AFAP1L2: variants seen among roughly 807,000 people sequenced by gnomAD.
AFAP1L2 encodes the protein actin filament associated protein 1 like 2, also known as actin filament-associated protein 1-like 2.
In AFAP1L2, 46 loss-of-function variants were observed where a neutral mutation model predicts 99.3. The ratio of observed to expected loss-of-function variants is 0.46; its 90% CI spans 0.37 to 0.59. The LOEUF (loss-of-function observed/expected upper bound fraction) is 0.59. Ranked by LOEUF, AFAP1L2 falls within the 20% of genes least tolerant of loss-of-function variation. The probability of loss-of-function intolerance (pLI) is 0.00; values close to 1 mark genes in which losing one functional copy is unlikely to be tolerated. For synonymous variants in AFAP1L2, 397 were observed against 419.1 expected (o/e 0.95, Z 0.64); for missense variants, 959 against 1,034.9 (o/e 0.93, Z 1.01).
Position 114,295,016 on chromosome 10 carries a change from TAAAAAAA to T in AFAP1L2, c.*1019_*1025del, listed in dbSNP as rs10627231. 32 of 884,458 alleles carry T rather than the reference TAAAAAAA, an allele frequency of 3.6e-5. No homozygotes were observed. The highest frequency in any genetic ancestry group is 2.2e-4 in the Admixed American group (3 of 13,630). 54.8% of individuals were successfully genotyped at this position (884,458 alleles called of 1,614,324 possible). On this transcript the variant is annotated 3_prime_UTR_variant, in exon 19 of 19. Coordinates refer to ENST00000304129, the MANE Select transcript of AFAP1L2 (RefSeq NM_001001936.3). The stretch of plus-strand genomic sequence containing the variant: ...ATAGATGAAATGTTTCAACCTGTGT[TAAAAAAA>T]AAAAAAAAAAAATGCCATCAGAGGA...
intron 1 of AFAP1L2, among the ~76,000 whole-genome samples, chr10:114,355,547 T>TAAA (rs35455768): frequency 7.0e-6 from 1 of 143,810 alleles, no homozygotes; most frequent in African/African-American, 2.5e-5. Context: ...ACTGGTAGCT[T>TAAA]AAAAAAAAAA....
chr10:114,296,992 G>A lies in AFAP1L2; in HGVS notation c.2416C>T (p.Leu806Phe), dbSNP rs371384386. 6.2e-7 allele frequency: 1 copy of A among 1,614,088 alleles called. No homozygotes were observed. Among genetic ancestry groups the A allele is most frequent in the African/African-American group, 1.3e-5 (1 of 74,946 alleles). Residue 806 changes from leucine to phenylalanine, a missense_variant, in exon 18 of 19, where the codon CTC (leucine) becomes TTC (phenylalanine). Leu to Phe is a conservative substitution (Grantham distance 22, BLOSUM62 0). Around this residue, in one of 2 missense-constraint regions of AFAP1L2, gnomAD observed 576 missense variants for 562.1 expected, o/e 1.02. Coordinates refer to ENST00000304129, the MANE Select transcript of AFAP1L2 (RefSeq NM_001001936.3). ...TGACTGCTTACCTTGGCTTTCTGGA[G>A]TACAGTGCCTTTGCCTGTGACCACG... ...SVVVTGKGTVLQKAKEWEKKG... is the reference protein window; with the variant it reads ...SVVVTGKGTVFQKAKEWEKKG...
rs534335100 is a variant in AFAP1L2, at chr10:114,315,761, G to A, written c.411C>T (p.Asp137=). The change falls in exon 6 of 19, where the codon GAC becomes GAT. Residue 137 remains aspartate (D), a synonymous_variant. Transcript: ENST00000304129. ...CGTAGGAGCTGCTCACAGCCTCTCC[G>A]TCCTCTGCAAGGAAGACCAGCTCGG... ...AEPYDTSLNE[D]GEAVSSSYES... is the part of the protein sequence containing the mutation. 384 of 1,610,826 alleles carry A rather than the reference G, an allele frequency of 2.4e-4. 2 individuals are homozygous for A. In the South Asian group the frequency reaches 3.8e-3, roughly 16 times the overall value.
At chr10:114,320,913 C>G (rs1046848923) in intron 5 of AFAP1L2, among the ~76,000 whole-genome samples, 6 of 152,298 alleles carry the variant, frequency 3.9e-5, no homozygotes, top group African/African-American at 1.4e-4. Context: ...AATCACAGCC[C>G]GACTGGTGAG....
chr10:114,380,850 C>T (rs1001435783), intron 1 of AFAP1L2, among the ~76,000 whole-genome samples: 10 of 152,164 alleles, frequency 6.6e-5, no homozygotes, highest in Non-Finnish European at 8.8e-5. Flanking sequence ...TTAAACATGA[C>T]ATATAAGATT....
intron 4 of AFAP1L2, among the ~76,000 whole-genome samples, chr10:114,329,571 G>T (rs1205306790): frequency 6.6e-6 from 1 of 152,182 alleles, no homozygotes; most frequent in Non-Finnish European, 1.5e-5. Flanking sequence ...TCCAGCCGTG[G>T]CTCAGAACAG....
In AFAP1L2 at chr10:114,327,147, T is replaced by TATATATATATATATA. The variant is rs2046408453; in HGVS notation, c.316-3887_316-3886insTATATATATATATAT. On this transcript the variant is annotated intron_variant, in intron 4 of 18. Transcript: ENST00000304129. ...TGAAGACCGTGAATTTTATATATAT[T>TATATATATATATATA]TATATATATATATATATATATATAT... is the stretch of plus-strand genomic sequence containing the variant. 7.3e-5 allele frequency among the ~76,000 whole-genome samples: 4 copies of TATATATATATATATA among 54,570 alleles called. No individual in the cohort carries two copies. In the South Asian group the frequency reaches 1.9e-3, roughly 26 times the overall value. The allele number at this position is 54,570 out of a possible 152,430, so 35.8% of individuals were successfully genotyped here. A position where few individuals can be genotyped will look rare whatever the true frequency, so the allele number is the denominator to read the frequency against.
At chr10:114,332,179 G>A (rs917703305) in intron 3 of AFAP1L2, among the ~76,000 whole-genome samples, 24 of 152,340 alleles carry the variant, frequency 1.6e-4, no homozygotes, top group South Asian at 1.0e-3. Flanking sequence ...GCTTTGGCCA[G>A]CAGAGAAGCT....
chr10:114,339,594 A>T (rs1017022222), intron 2 of AFAP1L2, among the ~76,000 whole-genome samples: 1 of 152,224 alleles, frequency 6.6e-6, no homozygotes, highest in Admixed American at 6.5e-5. Flanking sequence ...TCATATATTA[A>T]ATCCTAGCAC....
chr10:114,298,650 A>AC (rs2040626349), intron 16 of AFAP1L2, among the ~76,000 whole-genome samples: 1 of 150,628 alleles, frequency 6.6e-6, no homozygotes, highest in South Asian at 2.1e-4. Flanking sequence ...GGAGCTCTAG[A>AC]CCAGCCTGGG....
At position 114,299,024 on chromosome 10, in the gene AFAP1L2, G is replaced by A. The variant is rs1589915574; in HGVS notation, c.2113+236C>T. Among the ~76,000 whole-genome samples the A allele has an allele frequency of 2.0e-5, 3 of 152,214 alleles. No homozygotes were observed. The East Asian group carries it at 5.8e-4, about 29-fold the overall frequency. On this transcript the variant is annotated intron_variant, in intron 16 of 18. Transcript: ENST00000304129. Reference sequence around the variant, plus strand: ...ACTTCCTTTAACTAGCTTTTACGATGACCTGCTGGTCCTATTGATGTTCCG... The same window carrying A: ...ACTTCCTTTAACTAGCTTTTACGATAACCTGCTGGTCCTATTGATGTTCCG...
At chr10:114,305,119 G>A (rs2530326) in intron 10 of AFAP1L2, 189 bp from the exon 11 acceptor site, 8 of 566,096 alleles carry the variant, frequency 1.4e-5, no homozygotes, top group Admixed American at 2.6e-5. Context: ...GGACCGGGCT[G>A]CAGGAGGGGA....
At chr10:114,290,464 G>T (rs754055712), downstream of AFAP1L2, 4 of 1,475,152 alleles carry the variant, frequency 2.7e-6, no homozygotes, top group Non-Finnish European at 3.7e-6. Flanking sequence ...TAAAACATTC[G>T]TTCAGTGGAA....
At chr10:114,328,390 G>T (rs1373441554) in intron 4 of AFAP1L2, among the ~76,000 whole-genome samples, 1 of 152,230 alleles carries the variant, frequency 6.6e-6, no homozygotes, top group African/African-American at 2.4e-5. Context: ...TGAGCCCAGG[G>T]CCAGGCAGCT....
At chr10:114,302,939 A>G (rs2041478583) in intron 11 of AFAP1L2, among the ~76,000 whole-genome samples, 1 of 152,242 alleles carries the variant, frequency 6.6e-6, no homozygotes, top group Non-Finnish European at 1.5e-5. Flanking sequence ...TGGATCCCCA[A>G]GAAATAACAA....
chr10:114,395,416 C>T (rs983777734), intron 1 of AFAP1L2, among the ~76,000 whole-genome samples: 1 of 152,138 alleles, frequency 6.6e-6, no homozygotes, highest in Non-Finnish European at 1.5e-5. Flanking sequence ...ACGAAGCACC[C>T]TAGAAGAGTT....
intron 8 of AFAP1L2, among the ~76,000 whole-genome samples, chr10:114,309,125 G>A (rs754129584): frequency 2.0e-5 from 3 of 152,242 alleles, no homozygotes; most frequent in Non-Finnish European, 2.9e-5. Context: ...GAGAGTCACC[G>A]ACTCCATACC....
In AFAP1L2 at chr10:114,307,755, T is replaced by A. The variant is rs1417817356; in HGVS notation, c.1072+50A>T. ...TGTCTGAGCTCGCCTTCCTGCAGGT[T>A]CCAGCCCAGGAAATGAGCCTGTGGT... is the stretch of plus-strand genomic sequence containing the variant. On this transcript the variant is annotated intron_variant, in intron 10 of 18. Transcript: ENST00000304129. 2.0e-6 allele frequency: 3 copies of A among 1,529,166 alleles called. No individual in the cohort carries two copies. The East Asian group carries it at 6.8e-5, about 34-fold the overall frequency. 94.7% of individuals were successfully genotyped at this position (1,529,166 alleles called of 1,614,324 possible). A position where few individuals can be genotyped will look rare whatever the true frequency, so the allele number is the denominator to read the frequency against.
At chr10:114,322,512 A>T (rs1257060869) in intron 5 of AFAP1L2, among the ~76,000 whole-genome samples, 1 of 151,366 alleles carries the variant, frequency 6.6e-6, no homozygotes, top group African/African-American at 2.4e-5. Flanking sequence ...TGCCTGACTC[A>T]CTCTCCACTT....
Sources: allele counts gnomAD v4.1 joint callset (sites outside exome capture counted in the v4.1 genomes callset), GRCh38; gene constraint gnomAD v4.1.1; regional missense constraint gnomAD v4.1.1; transcripts MANE v1.5; gene names NCBI Gene and HGNC (gene_info 2026-07-23, HGNC 2026-07-21).